The following HYDIN variants were observed in gnomAD, a reference collection of about 807,000 sequenced individuals.
HYDIN encodes HYDIN axonemal central pair apparatus protein.
A neutral mutation model predicts 403.9 loss-of-function variants in HYDIN; 132 were observed. The observed-to-expected ratio is 0.33, with a 90% CI of 0.28 to 0.38. The LOEUF (loss-of-function observed/expected upper bound fraction) is 0.38. HYDIN is among the 10% of genes least tolerant of loss of function. The pLI is 1.00. For missense variants in HYDIN, 2,827 were observed against 5,009.5 expected (o/e 0.56, Z 13.15); for synonymous variants, 1,202 against 1,891.7 (o/e 0.64, Z 9.46).
At chr16:70,967,658 T>C (rs1342813910) in intron 36 of HYDIN, among the ~76,000 whole-genome samples, 1 of 152,182 alleles carries the variant, frequency 6.6e-6, no homozygotes, top group African/African-American at 2.4e-5. Context: ...ATTTTTTTTT[T>C]GTATTTTTTA....
intron 52 of HYDIN, 114 bp from the exon 53 acceptor site, chr16:70,901,316 T>C (rs2076371315): frequency 3.2e-6 from 2 of 633,210 alleles, no homozygotes; most frequent in Non-Finnish European, 2.8e-6. Flanking sequence ...GTTGTATAGG[T>C]AAACACATGT....
chr16:70,859,067 C>T (rs748732204), intron 71 of HYDIN, among the ~76,000 whole-genome samples: 2 of 151,358 alleles, frequency 1.3e-5, no homozygotes, highest in East Asian at 1.9e-4. Context: ...TTTGGGAGGC[C>T]GAGACGGGCA....
intron 8 of HYDIN, among the ~76,000 whole-genome samples, chr16:71,135,947 C>T (rs1384138284): frequency 1.3e-5 from 2 of 151,404 alleles, no homozygotes; most frequent in Non-Finnish European, 2.9e-5. Flanking sequence ...CTGGTTTCCA[C>T]GGACCTAAGA....
intron 75 of HYDIN, among the ~76,000 whole-genome samples, chr16:70,841,506 G>C (rs1597095671): frequency 6.6e-6 from 1 of 151,948 alleles, no homozygotes; most frequent in East Asian, 1.9e-4. Context: ...ATGCACCTTG[G>C]ATTTTTTCAT....
At chr16:70,976,331 T>C (rs534998604) in intron 30 of HYDIN, among the ~76,000 whole-genome samples, 148 of 152,386 alleles carry the variant, frequency 9.7e-4, no homozygotes, top group South Asian at 3.5e-3. Flanking sequence ...ACTTATTCAA[T>C]AATAAAATTG....
intron 5 of HYDIN, among the ~76,000 whole-genome samples, chr16:71,170,719 G>C (rs1336435933): frequency 1.3e-5 from 2 of 152,164 alleles, no homozygotes; most frequent in Admixed American, 6.5e-5. Flanking sequence ...ATATTAAGGA[G>C]TGACTGTGGT....
chr16:70,839,931 T>C (rs2037700105), intron 76 of HYDIN, 133 bp downstream of exon 76: 2 of 581,356 alleles, frequency 3.4e-6, no homozygotes, highest in East Asian at 2.9e-5. Flanking sequence ...CTAGGATTCA[T>C]ACCCACTTTT....
chr16:70,839,271 A>G (rs1274463357), intron 76 of HYDIN, among the ~76,000 whole-genome samples: 1 of 132,076 alleles, frequency 7.6e-6, no homozygotes, highest in African/African-American at 3.9e-5. Flanking sequence ...AGGCAAGGAG[A>G]CAGAGGCATA....
intron 18 of HYDIN, among the ~76,000 whole-genome samples, chr16:71,040,068 C>T (rs1026524123): frequency 7.9e-5 from 12 of 151,952 alleles, no homozygotes; most frequent in African/African-American, 2.9e-4. Flanking sequence ...CTCCTGCTGG[C>T]ACCCAGGAGT....
intron 5 of HYDIN, among the ~76,000 whole-genome samples, chr16:71,173,626 A>G (rs1027951964): frequency 2.8e-4 from 43 of 152,160 alleles, no homozygotes; most frequent in African/African-American, 9.4e-4. Context: ...AACTCTTAAC[A>G]TTCTATCATT....
intron 84 of HYDIN, among the ~76,000 whole-genome samples, 158 bp from the exon 85 acceptor site, chr16:70,810,165 C>T (rs529511295): frequency 1.3e-5 from 2 of 152,308 alleles, no homozygotes; most frequent in Admixed American, 1.3e-4. Context: ...CCAGCCCACC[C>T]TCTCTCCCCT....
At chr16:71,179,839 C>A (rs1401688525) in intron 3 of HYDIN, among the ~76,000 whole-genome samples, 1 of 152,194 alleles carries the variant, frequency 6.6e-6, no homozygotes, top group African/African-American at 2.4e-5. Flanking sequence ...GTTTAGCATC[C>A]AGTAGATTTT....
chr16:71,135,924 G>C (rs1035643255), intron 8 of HYDIN, among the ~76,000 whole-genome samples: 14 of 150,544 alleles, frequency 9.3e-5, no homozygotes, highest in Non-Finnish European at 1.8e-4. Context: ...ACTGCACACT[G>C]GGGGGGTTCT....
chr16:70,835,023 TA>T (rs906160313), intron 78 of HYDIN, among the ~76,000 whole-genome samples: 7 of 145,414 alleles, frequency 4.8e-5, no homozygotes, highest in African/African-American at 1.3e-4. Flanking sequence ...CACATATATA[TA>T]TGTTTTTTTT....
At chr16:71,051,669 CAAAA>C (rs72516476) in intron 18 of HYDIN, among the ~76,000 whole-genome samples, 1 of 81,354 alleles carries the variant, frequency 1.2e-5, no homozygotes, top group South Asian at 4.4e-4. Context: ...ACAAAAAAAA[CAAAA>C]AAAAGAAACA....
At chr16:70,829,586 A>G (rs758152390) in intron 81 of HYDIN, 32 bp downstream of exon 81, 2 of 1,584,964 alleles carry the variant, frequency 1.3e-6, no homozygotes, top group Admixed American at 1.7e-5. Context: ...CTATGCCAGG[A>G]AACCAATGGG....
chr16:71,203,596 C>G (rs2144712480), intron 1 of HYDIN: 1 of 390,634 alleles, frequency 2.6e-6, no homozygotes, highest in East Asian at 7.1e-5. Context: ...GTATGCTTTA[C>G]AATGCCTGGA....
intron 19 of HYDIN, among the ~76,000 whole-genome samples, chr16:71,028,797 T>C (rs1053744649): frequency 1.4e-4 from 21 of 152,156 alleles, no homozygotes; most frequent in African/African-American, 5.1e-4. Context: ...TGTGAATCTG[T>C]GTCCACGGGG....
intron 1 of HYDIN, among the ~76,000 whole-genome samples, chr16:71,223,972 T>C (rs989993220): frequency 5.3e-5 from 8 of 152,228 alleles, no homozygotes; most frequent in Non-Finnish European, 1.0e-4. Flanking sequence ...GAAGTCATTA[T>C]ATGAAAAAGA....
Sources: gnomAD v4.1 joint callset for allele counts (sites outside exome capture counted in the v4.1 genomes callset) on GRCh38, gnomAD v4.1.1 for gene constraint, MANE v1.5 for transcripts, NCBI Gene and HGNC (gene_info 2026-07-23, HGNC 2026-07-21) for gene names.